DGKZ: variants seen among roughly 807,000 people sequenced by gnomAD.
DGKZ encodes the protein diacylglycerol kinase zeta, also known as DAG kinase zeta.
DGKZ carries 45 observed loss-of-function variants against 142.5 expected under a neutral mutation model. That is an observed-to-expected ratio of 0.32 (90% CI 0.25 to 0.40). The LOEUF (loss-of-function observed/expected upper bound fraction) is 0.40, where lower values mean the gene tolerates loss of function less well. Ranked by LOEUF, DGKZ falls within the 10% of genes least tolerant of loss-of-function variation. DGKZ has a pLI of 1.00. For missense variants in DGKZ, 755 were observed against 1,306.5 expected (o/e 0.58, Z 6.51); for synonymous variants, 442 against 527.0 (o/e 0.84, Z 2.21).
chr11:46,376,841 C>T (rs1432532472), intron 24 of DGKZ: 4 of 635,780 alleles, frequency 6.3e-6, no homozygotes, highest in Non-Finnish European at 1.1e-5. Context: ...CAGGGAGACA[C>T]AGAAGCAAAG....
At chr11:46,361,265 C>A (rs140612433) in intron 1 of DGKZ, among the ~76,000 whole-genome samples, 14 of 152,052 alleles carry the variant, frequency 9.2e-5, no homozygotes, top group South Asian at 8.3e-4. Context: ...TAGTGGGGGG[C>A]CCCCTCCCTA....
chr11:46,369,861 T>C, intron 5 of DGKZ, 80 bp from the exon 6 acceptor site: 2 of 1,475,992 alleles, frequency 1.4e-6, no homozygotes, highest in Non-Finnish European at 1.9e-6. Flanking sequence ...CAGCCCCGTG[T>C]GTTGAGCCGT....
At chr11:46,335,859 C>G (rs1334853097) in intron 1 of DGKZ, among the ~76,000 whole-genome samples, 1 of 152,222 alleles carries the variant, frequency 6.6e-6, no homozygotes, top group African/African-American at 2.4e-5. Context: ...TCTCTTGTGG[C>G]TGCTGTCCTG....
At chr11:46,371,073 G>A (rs575763315) in intron 6 of DGKZ, among the ~76,000 whole-genome samples, 61 of 152,198 alleles carry the variant, frequency 4.0e-4, no homozygotes, top group Non-Finnish European at 6.0e-4. Context: ...CAACAAGAGC[G>A]AGACTCCATC....
chr11:46,345,423 G>A, upstream of DGKZ: 7 of 1,450,746 alleles, frequency 4.8e-6, no homozygotes, highest in Non-Finnish European at 6.3e-6. The surrounding 1 kb of genome is among the most constrained non-coding windows in gnomAD (Gnocchi z 4.1). Flanking sequence ...AGCGCACCGG[G>A]GGCTGGCCAC....
chr11:46,356,802 C>T lies in DGKZ; in HGVS notation c.161+8982C>T, dbSNP rs560262553. 3.3e-5 allele frequency among the ~76,000 whole-genome samples: 5 copies of T among 152,152 alleles called. No individual in the cohort carries two copies. The South Asian group carries it at 1.0e-3, about 32-fold the overall frequency. ...CCGCTTTGTCTCTCAGTTTCCTCAT[C>T]TGCAATATGAGGATACGGGCCATGG... On this transcript the variant is annotated intron_variant, in intron 1 of 30. Coordinates refer to ENST00000527911, the Ensembl canonical transcript of DGKZ.
chr11:46,375,387 C>G (rs116698407), intron 19 of DGKZ, 45 bp from the exon 20 acceptor site: 1 of 1,524,490 alleles, frequency 6.6e-7, no homozygotes, highest in South Asian at 1.2e-5. Context: ...GACCCCCCTG[C>G]CCCCAGCCCT....
intron 1 of DGKZ, among the ~76,000 whole-genome samples, chr11:46,340,697 G>C (rs1288892712): frequency 1.3e-5 from 2 of 152,234 alleles, no homozygotes; most frequent in Non-Finnish European, 2.9e-5. Context: ...CTGCAACCCA[G>C]CTCAGACACA....
chr11:46,348,326 C>T (rs576797921), intron 1 of DGKZ, among the ~76,000 whole-genome samples: 2 of 152,324 alleles, frequency 1.3e-5, no homozygotes, highest in African/African-American at 4.8e-5. Flanking sequence ...AACGTAGCCC[C>T]GTTGATACCG....
intron 1 of DGKZ, among the ~76,000 whole-genome samples, chr11:46,336,268 T>C (rs999882178): frequency 6.6e-6 from 1 of 152,172 alleles, no homozygotes; most frequent in Non-Finnish European, 1.5e-5. Flanking sequence ...GCAGCTTCTT[T>C]AGGTGGATGG....
At chr11:46,356,779 G>A (rs557744260) in intron 1 of DGKZ, among the ~76,000 whole-genome samples, 4 of 152,266 alleles carry the variant, frequency 2.6e-5, no homozygotes, top group East Asian at 1.9e-4. Context: ...TGACTTAACC[G>A]CTTTGTCTCT....
chr11:46,333,506 G>C, intron 1 of DGKZ: 1 of 1,541,398 alleles, frequency 6.5e-7, no homozygotes, highest in South Asian at 1.2e-5. Flanking sequence ...GACGTGGGCA[G>C]AGGGGAGCGC....
chr11:46,369,604 C>T (rs1943714721), intron 5 of DGKZ, 54 bp downstream of exon 5: 5 of 1,605,394 alleles, frequency 3.1e-6, no homozygotes, highest in Non-Finnish European at 1.7e-6. Context: ...CTGCATGGGC[C>T]TCTGCGCAGT....
At chr11:46,375,595 A>T in exon 20 of DGKZ, 1 of 1,587,994 alleles carries the variant, frequency 6.3e-7, no homozygotes, top group Non-Finnish European at 8.5e-7. Flanking sequence ...ATGGTGCAGA[A>T]GGCCAAGCGG....
exon 1 of DGKZ, chr11:46,333,088 C>T (rs1411503904): frequency 2.3e-6 from 1 of 442,486 alleles, no homozygotes; most frequent in Non-Finnish European, 3.6e-6. Context: ...CCCGGCCCGC[C>T]TCTCCCAGGC....
intron 30 of DGKZ, 96 bp downstream of exon 30, chr11:46,379,664 GAC>G: frequency 1.5e-6 from 2 of 1,339,568 alleles, no homozygotes; most frequent in Non-Finnish European, 1.0e-6. Flanking sequence ...TCCCTGGGAA[GAC>G]ACAGTCCAGA....
exon 7 of DGKZ, chr11:46,371,324 G>A: frequency 6.2e-7 from 1 of 1,613,872 alleles, no homozygotes; most frequent in African/African-American, 1.3e-5. Context: ...GATTCCAGCA[G>A]AAGTTCACCT....
chr11:46,365,656 G>T (rs1943167602), intron 1 of DGKZ: 2 of 985,362 alleles, frequency 2.0e-6, no homozygotes, highest in Non-Finnish European at 2.4e-6. Context: ...GACTCTGGGG[G>T]TCCTGTCAGG....
chr11:46,379,024 A>G, exon 28 of DGKZ: 1 of 1,588,582 alleles, frequency 6.3e-7, no homozygotes. Flanking sequence ...GGGCGACCTC[A>G]TGCACCGAGA....
Sources: gnomAD v4.1 joint callset for allele counts (sites outside exome capture counted in the v4.1 genomes callset) on GRCh38, gnomAD v4.1.1 for gene constraint, Gnocchi (gnomAD v3.1) non-coding constraint, MANE v1.5 for transcripts, NCBI Gene and HGNC (gene_info 2026-07-23, HGNC 2026-07-21) for gene names.